The following CSMD1 variants were observed in gnomAD, a reference collection of about 807,000 sequenced individuals.
The protein encoded by CSMD1 is CUB and sushi domain-containing protein 1.
A neutral mutation model predicts 417.5 loss-of-function variants in CSMD1; 213 were observed. The ratio of observed to expected loss-of-function variants is 0.51; its 90% CI spans 0.46 to 0.57. The LOEUF (loss-of-function observed/expected upper bound fraction) is 0.57. CSMD1 is among the 20% of genes least tolerant of loss of function. The pLI is 0.00. For missense variants in CSMD1, 6,923 were observed against 4,529.7 expected, an observed-to-expected ratio of 1.53 and a Z score of -15.17; for synonymous variants, 2,862 against 1,736.8, an observed-to-expected ratio of 1.65 and a Z score of -16.11.
intron 2 of CSMD1, among the ~76,000 whole-genome samples, chr8:4,599,000 A>C (rs1395565978): frequency 6.6e-6 from 1 of 152,212 alleles, no homozygotes; most frequent in Non-Finnish European, 1.5e-5. Context: ...GTACCAGAAA[A>C]ATTATAAAAT....
chr8:3,564,905 G>C (rs756263055), intron 10 of CSMD1, among the ~76,000 whole-genome samples: 4 of 151,852 alleles, frequency 2.6e-5, no homozygotes, highest in Non-Finnish European at 4.4e-5. Flanking sequence ...GGCACACAGA[G>C]ACAAATATGT....
chr8:3,500,316 C>T (rs1482445421), intron 10 of CSMD1, among the ~76,000 whole-genome samples: 1 of 151,806 alleles, frequency 6.6e-6, no homozygotes, highest in Non-Finnish European at 1.5e-5. Flanking sequence ...TCGATGTCTG[C>T]TAAGCTTTGC....
intron 5 of CSMD1, among the ~76,000 whole-genome samples, chr8:3,897,353 C>A (rs953106318): frequency 2.0e-5 from 3 of 152,174 alleles, no homozygotes; most frequent in Non-Finnish European, 2.9e-5. Flanking sequence ...GCAGTGTGCT[C>A]TAACAGTGAT....
chr8:4,621,046 A>C (rs530882452), intron 2 of CSMD1, among the ~76,000 whole-genome samples: 1 of 152,118 alleles, frequency 6.6e-6, no homozygotes, highest in African/African-American at 2.4e-5. Flanking sequence ...CATTTTTATC[A>C]TATATTCGTC....
At chr8:3,156,986 CAAAA>C (rs869173951) in intron 39 of CSMD1, among the ~76,000 whole-genome samples, 3 of 64,448 alleles carry the variant, frequency 4.7e-5, no homozygotes, top group East Asian at 5.7e-4. Context: ...GTTGTTTAGA[CAAAA>C]AAAAAAAAAA....
chr8:3,270,657 G>A (rs1265321457), intron 26 of CSMD1, among the ~76,000 whole-genome samples: 1 of 152,134 alleles, frequency 6.6e-6, no homozygotes, highest in African/African-American at 2.4e-5. Context: ...CAAGTCTACA[G>A]TATCAAGTAC....
intron 5 of CSMD1, among the ~76,000 whole-genome samples, chr8:3,839,005 TA>T (rs1802917594): frequency 7.9e-6 from 1 of 127,224 alleles, no homozygotes; most frequent in South Asian, 2.3e-4. Context: ...ATTATAATAT[TA>T]TATATTTATA....
chr8:4,054,829 G>C (rs992364449), intron 3 of CSMD1, among the ~76,000 whole-genome samples: 2 of 152,108 alleles, frequency 1.3e-5, no homozygotes, highest in African/African-American at 2.4e-5. Flanking sequence ...CATCTATCTA[G>C]CCACAGCAGC....
chr8:4,683,807 G>T (rs563106924), intron 1 of CSMD1, among the ~76,000 whole-genome samples: 1 of 151,608 alleles, frequency 6.6e-6, no homozygotes, highest in Non-Finnish European at 1.5e-5. Context: ...AGAAAAAATG[G>T]CAGTAAAAAT....
At chr8:4,438,007 C>T (rs1798245144) in intron 2 of CSMD1, among the ~76,000 whole-genome samples, 3 of 152,080 alleles carry the variant, frequency 2.0e-5, no homozygotes, top group African/African-American at 7.2e-5. Context: ...GTCTGATCTG[C>T]ATTTAAAAGG....
At chr8:4,177,638 G>T (rs544500086) in intron 3 of CSMD1, among the ~76,000 whole-genome samples, 4 of 143,932 alleles carry the variant, frequency 2.8e-5, no homozygotes, top group African/African-American at 1.0e-4. Context: ...AATGAATCCA[G>T]GAGCTGCTTT....
At chr8:3,611,314 T>C (rs775773567) in intron 8 of CSMD1, among the ~76,000 whole-genome samples, 1 of 152,110 alleles carries the variant, frequency 6.6e-6, no homozygotes, top group African/African-American at 2.4e-5. Context: ...TCATAACACT[T>C]GAATACGTAA....
chr8:3,880,195 A>C (rs966248200), intron 5 of CSMD1, among the ~76,000 whole-genome samples: 98 of 152,182 alleles, frequency 6.4e-4, no homozygotes, highest in African/African-American at 2.1e-3. Context: ...CAAGAGGAGC[A>C]GTTAGGGAAA....
intron 2 of CSMD1, among the ~76,000 whole-genome samples, chr8:4,464,482 A>C (rs1800033800): frequency 6.6e-6 from 1 of 152,192 alleles, no homozygotes; most frequent in Admixed American, 6.5e-5. Flanking sequence ...ACCTAAGTCA[A>C]AGCTTATTTT....
chr8:4,920,917 A>G (rs183963797), intron 1 of CSMD1, among the ~76,000 whole-genome samples: 3 of 55,326 alleles, frequency 5.4e-5, no homozygotes, highest in African/African-American at 1.6e-4. Flanking sequence ...AAAAGAAAAG[A>G]AAAGAAAAGA....
At chr8:3,437,020 T>C (rs1814609415) in intron 12 of CSMD1, among the ~76,000 whole-genome samples, 1 of 152,210 alleles carries the variant, frequency 6.6e-6, no homozygotes, top group Admixed American at 6.5e-5. Flanking sequence ...ACCTGGCTTA[T>C]TGCTCATTTA....
chr8:4,766,361 G>C (rs140098758), intron 1 of CSMD1, among the ~76,000 whole-genome samples: 1 of 152,170 alleles, frequency 6.6e-6, no homozygotes, highest in Non-Finnish European at 1.5e-5. Flanking sequence ...TAGGACACAA[G>C]AAGAAATTAG....
intron 11 of CSMD1, 49 bp from the exon 12 acceptor site, chr8:3,468,873 T>C (rs1053485162): frequency 2.0e-5 from 25 of 1,244,056 alleles, no homozygotes; most frequent in Non-Finnish European, 2.8e-5. Context: ...AACAAGTACA[T>C]CGACTTCCAC....
chr8:3,652,406 G>C (rs576575714), intron 7 of CSMD1, among the ~76,000 whole-genome samples: 5 of 152,194 alleles, frequency 3.3e-5, no homozygotes, highest in Non-Finnish European at 5.9e-5. Context: ...ACGTTGACTT[G>C]TTTGTTTCTG....
Sources: gnomAD v4.1 joint callset for allele counts (sites outside exome capture counted in the v4.1 genomes callset) on GRCh38, gnomAD v4.1.1 for gene constraint, MANE v1.5 for transcripts, NCBI Gene and HGNC (gene_info 2026-07-23, HGNC 2026-07-21) for gene names.